USH2A: variants seen among roughly 807,000 people sequenced by gnomAD.
USH2A encodes Usher syndrome 2A (autosomal recessive, mild).
Under a neutral mutation model 538.9 loss-of-function variants are expected in USH2A, and 443 were observed. The ratio of observed to expected loss-of-function variants is 0.82; its 90% CI spans 0.76 to 0.89. The LOEUF (loss-of-function observed/expected upper bound fraction) is 0.89, where lower values mean the gene tolerates loss of function less well. USH2A is among the 40% of genes least tolerant of loss of function. USH2A has a pLI of 0.00. For missense variants in USH2A, 6,633 were observed against 6,324.8 expected (o/e 1.05, Z -1.65); for synonymous variants, 2,413 against 2,273.5 (o/e 1.06, Z -1.75).
At position 216,207,439 on chromosome 1, in the gene USH2A, A is replaced by G. The variant is rs368332804; in HGVS notation, c.3158-8T>C. On this transcript the variant is annotated splice_polypyrimidine_tract_variant and splice_region_variant and intron_variant, in intron 15 of 71. Coordinates refer to ENST00000307340, the MANE Select transcript of USH2A (RefSeq NM_206933.4). ...GAGGTTGCTGGAATGGAGCTAAATT[A>G]CAATGAAGAGAGCATTTATTAGCAA... 6 of 1,613,944 alleles carry G rather than the reference A, an allele frequency of 3.7e-6. No homozygotes were observed. Among genetic ancestry groups the G allele is most frequent in the Non-Finnish European group, 5.1e-6 (6 of 1,179,890 alleles).
chr1:216,252,974 G>T (rs1365403738), intron 11 of USH2A, among the ~76,000 whole-genome samples: 1 of 152,124 alleles, frequency 6.6e-6, no homozygotes. Flanking sequence ...GATCAGTCCT[G>T]TTCTCCAAAG....
In USH2A at chr1:215,782,883, G is replaced by A; in HGVS notation, c.10440C>T (p.Asn3480=). 6.2e-7 allele frequency: 1 copy of A among 1,613,828 alleles called. No individual in the cohort carries two copies. Among genetic ancestry groups the A allele is most frequent in the Non-Finnish European group, 8.5e-7 (1 of 1,179,874 alleles). ...CTTTGCTGAGTCCTCGCCCATAGCTGTTCCAGGCAGAAATCCTGTACTCAT... is the reference window on the plus strand; with the variant it reads ...CTTTGCTGAGTCCTCGCCCATAGCTATTCCAGGCAGAAATCCTGTACTCAT... ...MTYEYRISAW[N]SYGRGLSKAV... The change falls in exon 53 of 72, where the codon AAC becomes AAT. Residue 3480 remains asparagine (N), a synonymous_variant. Coordinates refer to ENST00000307340, the MANE Select transcript of USH2A (RefSeq NM_206933.4).
chr1:216,246,584 C>A lies in USH2A; in HGVS notation c.2809+1G>T, dbSNP rs759433119. 1.2e-6 allele frequency: 2 copies of A among 1,613,870 alleles called. No individual in the cohort carries two copies. The highest frequency in any genetic ancestry group is 1.7e-6 in the Non-Finnish European group (2 of 1,179,918). On this transcript the variant is annotated splice_donor_variant, in intron 13 of 71. Transcript: ENST00000307340. LOFTEE classifies it high-confidence loss of function. ...GAAAATGTAATACATTTCTTTCTTACCTGGTTGACACTGATTACACCTTCT... is the reference window on the plus strand; with the variant it reads ...GAAAATGTAATACATTTCTTTCTTAACTGGTTGACACTGATTACACCTTCT...
At chr1:215,903,891 T>C (rs1485132698) in intron 38 of USH2A, among the ~76,000 whole-genome samples, 1 of 152,154 alleles carries the variant, frequency 6.6e-6, no homozygotes, top group Non-Finnish European at 1.5e-5. Flanking sequence ...ATCCACTTCT[T>C]ACCTTCACAT....
intron 69 of USH2A, 91 bp from the exon 70 acceptor site, chr1:215,634,794 G>A (rs1229853623): frequency 1.2e-6 from 2 of 1,604,374 alleles, no homozygotes; most frequent in Non-Finnish European, 1.7e-6. Context: ...AATTAGAGAG[G>A]AGTTGAAAGC....
chr1:216,140,315 A>G (rs1382366358), intron 21 of USH2A, among the ~76,000 whole-genome samples: 2 of 152,216 alleles, frequency 1.3e-5, no homozygotes, highest in African/African-American at 2.4e-5. Context: ...TAGATGCTCA[A>G]TAAATAACTT....
chr1:216,329,777 A>G (rs1334233162), intron 4 of USH2A, among the ~76,000 whole-genome samples: 1 of 152,024 alleles, frequency 6.6e-6, no homozygotes, highest in Non-Finnish European at 1.5e-5. Context: ...GCCCCGCTAT[A>G]GTCCTAGGCA....
At position 216,321,937 on chromosome 1, in the gene USH2A, T is replaced by A. The variant is rs144343161; in HGVS notation, c.1590A>T (p.Thr530=). 3.9e-5 allele frequency: 63 copies of A among 1,613,740 alleles called. No homozygotes were observed. In the African/African-American group the frequency reaches 7.1e-4, roughly 18 times the overall value. The change falls in exon 9 of 72, where the codon ACA becomes ACT. Residue 530 remains threonine, a synonymous_variant. Transcript: ENST00000307340. The part of the protein sequence containing the change: ...CHGHADNCDT[T]SQPYRCLCSQ... The stretch of plus-strand genomic sequence containing the variant: ...AGCAGAGGCATCTATATGGCTGGCT[T>A]GTTGTGTCGCAGTTATCGGCATGAC...
At chr1:216,331,524 T>C (rs1185012749) in intron 4 of USH2A, among the ~76,000 whole-genome samples, 1 of 152,000 alleles carries the variant, frequency 6.6e-6, no homozygotes, top group Non-Finnish European at 1.5e-5. Flanking sequence ...ATAATAAGGC[T>C]AAGTAACAAA....
chr1:216,407,363 T>G (rs886683259), intron 3 of USH2A, among the ~76,000 whole-genome samples: 2 of 152,158 alleles, frequency 1.3e-5, no homozygotes, highest in African/African-American at 4.8e-5. Flanking sequence ...ATTCTAAAAT[T>G]AGCTAATCTA....
intron 11 of USH2A, among the ~76,000 whole-genome samples, chr1:216,266,294 A>G (rs1449715755): frequency 2.0e-5 from 3 of 152,164 alleles, no homozygotes; most frequent in Non-Finnish European, 4.4e-5. Flanking sequence ...TCAAATTCCA[A>G]AAATAAAAAG....
chr1:216,254,519 A>G (rs2036223824), intron 11 of USH2A, among the ~76,000 whole-genome samples: 1 of 152,198 alleles, frequency 6.6e-6, no homozygotes, highest in South Asian at 2.1e-4. Context: ...AATGCTTGCA[A>G]ATATGATTCA....
intron 36 of USH2A, among the ~76,000 whole-genome samples, chr1:215,967,787 T>A (rs1480008137): frequency 3.3e-5 from 5 of 151,760 alleles, no homozygotes; most frequent in Non-Finnish European, 7.4e-5. Context: ...TGTTTGTACA[T>A]GTGTATTTAT....
At chr1:215,950,897 T>C (rs1023513897) in intron 37 of USH2A, among the ~76,000 whole-genome samples, 1 of 152,198 alleles carries the variant, frequency 6.6e-6, no homozygotes, top group African/African-American at 2.4e-5. Flanking sequence ...AATATTCAAC[T>C]GTGTAACAAT....
At chr1:215,892,288 TTTC>T (rs1665229599) in intron 40 of USH2A, among the ~76,000 whole-genome samples, 1 of 152,200 alleles carries the variant, frequency 6.6e-6, no homozygotes. Context: ...ATCAGTCAGT[TTTC>T]TTGTTACATT....
chr1:216,421,769 C>A (rs55982953), intron 2 of USH2A, 83 bp downstream of exon 2: 77 of 1,598,982 alleles, frequency 4.8e-5, no homozygotes, highest in Non-Finnish European at 6.5e-5. Flanking sequence ...CCTTCACTTC[C>A]GGTTTGGAAT....
At chr1:215,701,886 T>A (rs1021212583) in intron 61 of USH2A, among the ~76,000 whole-genome samples, 1 of 152,232 alleles carries the variant, frequency 6.6e-6, no homozygotes, top group African/African-American at 2.4e-5. Context: ...TTTTACCCAC[T>A]AGTTGATACA....
intron 9 of USH2A, among the ~76,000 whole-genome samples, chr1:216,314,395 G>A (rs1018104875): frequency 1.3e-5 from 2 of 151,914 alleles, no homozygotes; most frequent in Non-Finnish European, 2.9e-5. Flanking sequence ...TATGAACTGT[G>A]TGAATGCTAG....
At chr1:216,324,824 T>A (rs1231029594) in intron 6 of USH2A, among the ~76,000 whole-genome samples, 4 of 152,190 alleles carry the variant, frequency 2.6e-5, no homozygotes, top group African/African-American at 9.6e-5. Flanking sequence ...TTCAATTGCC[T>A]AGTTCAGTTT....
Sources: allele counts gnomAD v4.1 joint callset (sites outside exome capture counted in the v4.1 genomes callset), GRCh38; gene constraint gnomAD v4.1.1; transcripts MANE v1.5; gene names NCBI Gene and HGNC (gene_info 2026-07-23, HGNC 2026-07-21).